Variants in PCDH7 observed in about 807,000 individuals in gnomAD.
The protein encoded by PCDH7 is protocadherin 7.
A neutral mutation model predicts 58.9 loss-of-function variants in PCDH7; 17 were observed. The ratio of observed to expected loss-of-function variants is 0.29; its 90% CI spans 0.20 to 0.43. The LOEUF is 0.43. PCDH7 is among the 20% of genes least tolerant of loss of function. The probability of loss-of-function intolerance (pLI) is 1.00; values close to 1 mark genes in which losing one functional copy is unlikely to be tolerated. For synonymous variants in PCDH7, 664 were observed against 616.4 expected (o/e 1.08, Z -1.14); for missense variants, 1,274 against 1,441.0 (o/e 0.88, Z 1.88).
At chr4:30,999,243 C>G (rs754237262) in intron 3 of PCDH7, among the ~76,000 whole-genome samples, 4 of 151,872 alleles carry the variant, frequency 2.6e-5, no homozygotes, top group Non-Finnish European at 5.9e-5. Context: ...TTTTTGTTTC[C>G]CCTCCTTATC....
chr4:31,127,919 A>T (rs1388060628), intron 3 of PCDH7, among the ~76,000 whole-genome samples: 2 of 151,972 alleles, frequency 1.3e-5, no homozygotes, highest in Admixed American at 6.6e-5. Context: ...TAAATTATAG[A>T]GGCTTTCAAG....
chr4:31,098,678 A>C (rs1436713686), intron 3 of PCDH7, among the ~76,000 whole-genome samples: 1 of 152,200 alleles, frequency 6.6e-6, no homozygotes, highest in Non-Finnish European at 1.5e-5. Context: ...CAAGAAAGTG[A>C]GCCTTGTTTC....
chr4:31,094,676 A>AT (rs142278718), intron 3 of PCDH7, among the ~76,000 whole-genome samples: 74,125 of 151,840 alleles, frequency 0.49, 22,183 homozygotes, highest in East Asian at 0.83. Context: ...ATTAGCAAAA[A>AT]CCTGCCCTTC....
At chr4:30,957,360 T>A (rs764566009) in intron 3 of PCDH7, among the ~76,000 whole-genome samples, 5 of 152,188 alleles carry the variant, frequency 3.3e-5, no homozygotes, top group African/African-American at 7.2e-5. Context: ...GTAGGACATA[T>A]TGCTCAGGAT....
intron 3 of PCDH7, among the ~76,000 whole-genome samples, chr4:31,055,266 T>C (rs891591662): frequency 2.6e-5 from 4 of 152,102 alleles, no homozygotes; most frequent in Non-Finnish European, 5.9e-5. Context: ...ATATTTTCAG[T>C]TTTTTAGAGC....
chr4:31,139,262 T>C (rs1719974050), intron 3 of PCDH7, among the ~76,000 whole-genome samples: 1 of 152,162 alleles, frequency 6.6e-6, no homozygotes, highest in South Asian at 2.1e-4. Flanking sequence ...GGCTTTATTG[T>C]GGAAAATGCT....
intron 3 of PCDH7, among the ~76,000 whole-genome samples, chr4:31,059,709 T>A (rs181561266): frequency 1.3e-5 from 2 of 152,002 alleles, no homozygotes; most frequent in African/African-American, 4.8e-5. Flanking sequence ...TATCTCTGAA[T>A]TCTATTCTGT....
chr4:30,943,201 A>G (rs181225058), intron 2 of PCDH7, among the ~76,000 whole-genome samples: 1 of 151,896 alleles, frequency 6.6e-6, no homozygotes, highest in African/African-American at 2.4e-5. Context: ...CTTGTTTATA[A>G]CTTCAGTTAT....
exon 2 of PCDH7, chr4:30,730,928 T>G (rs1329968729): frequency 7.5e-7 from 1 of 1,340,678 alleles, no homozygotes; most frequent in East Asian, 2.7e-5. Flanking sequence ...TATTTTTGAG[T>G]CTTTTTCTTT....
chr4:30,885,520 C>G (rs796152958), intron 1 of PCDH7, among the ~76,000 whole-genome samples: 50 of 151,946 alleles, frequency 3.3e-4, no homozygotes, highest in African/African-American at 1.1e-3. Flanking sequence ...ACGATACTGT[C>G]TCTCTGTGTG....
chr4:30,754,364 A>G lies in PCDH7; in HGVS notation c.70+29768A>G, dbSNP rs140720927. 4.6e-3 allele frequency among the ~76,000 whole-genome samples: 707 copies of G among 152,286 alleles called. 6 individuals carry two copies. Among genetic ancestry groups the G allele is most frequent in the African/African-American group, 0.016 (669 of 41,554 alleles). On this transcript the variant is annotated intron_variant, in intron 1 of 3. Coordinates refer to the PCDH7 transcript ENST00000509759. ...TTGTTATAATCAAGCAGCTCCAGGGACATGAGCAGAAGTGTATCACTTTAT... is the reference window on the plus strand; with the variant it reads ...TTGTTATAATCAAGCAGCTCCAGGGGCATGAGCAGAAGTGTATCACTTTAT...
intron 3 of PCDH7, among the ~76,000 whole-genome samples, chr4:31,136,093 A>C (rs1719563378): frequency 6.6e-6 from 1 of 152,258 alleles, no homozygotes; most frequent in Non-Finnish European, 1.5e-5. Flanking sequence ...TGACAAAGTT[A>C]GAATGTGAAT....
chr4:31,079,495 A>G (rs1203425907), intron 3 of PCDH7, among the ~76,000 whole-genome samples: 1 of 151,046 alleles, frequency 6.6e-6, no homozygotes, highest in Non-Finnish European at 1.5e-5. Context: ...TTTAAATACT[A>G]TTTGACAACC....
intron 3 of PCDH7, among the ~76,000 whole-genome samples, chr4:30,986,556 C>G (rs1750983673): frequency 6.6e-6 from 1 of 151,548 alleles, no homozygotes; most frequent in African/African-American, 2.4e-5. Flanking sequence ...CTCCTCCCAC[C>G]AAGAAAAGTC....
At position 30,722,009 on chromosome 4, in the gene PCDH7, G is replaced by C. The variant is rs762876408; in HGVS notation, c.587G>C (p.Arg196Pro). ...GGCGGCGGCAGCGGCGGCGAGAGCC[G>C]GCGCGCCGGGGCGGCCGACAGCGCC... The change falls in exon 1 of 2, where the codon CGG (arginine) becomes CCG (proline). Residue 196 changes from arginine to proline, a missense_variant. Arg to Pro is a moderately radical substitution (Grantham distance 103). This residue lies in a region of PCDH7 where 331 missense variants were observed against 303.2 expected (regional missense o/e 1.09). Transcript: ENST00000361762. This position sits in a 1 kb window ranked among gnomAD's most constrained non-coding sequence, Gnocchi z 7.6. 12 of 1,264,400 alleles carry C rather than the reference G, an allele frequency of 9.5e-6. No individual in the cohort carries two copies. In the African/African-American group the frequency reaches 1.4e-4, roughly 15 times the overall value. The allele number at this position is 1,264,400 out of a possible 1,614,324, so 78.3% of individuals were successfully genotyped here.
chr4:30,927,757 A>G (rs1403162290), intron 2 of PCDH7, among the ~76,000 whole-genome samples: 1 of 151,726 alleles, frequency 6.6e-6, no homozygotes, highest in Non-Finnish European at 1.5e-5. Context: ...AAAACCAGAG[A>G]CCTTTGTTCA....
At position 30,821,418 on chromosome 4, in the gene PCDH7, G is replaced by A. The variant is rs138608218; in HGVS notation, c.70+96822G>A. ...GATGTGGGAGGAAAGATGTGCAATT[G>A]CACAGTTGACTCATGGTGTTTGGTG... On this transcript the variant is annotated intron_variant, in intron 1 of 3. Coordinates refer to the PCDH7 transcript ENST00000509759. 1.3e-4 allele frequency among the ~76,000 whole-genome samples: 20 copies of A among 152,338 alleles called. No homozygotes were observed. The East Asian group carries it at 3.7e-3, about 28-fold the overall frequency.
rs1028214436 is a variant in PCDH7, at chr4:30,982,480, A to T, written c.*7+32265A>T. On this transcript the variant is annotated intron_variant, in intron 3 of 3. Coordinates refer to the PCDH7 transcript ENST00000509759. ...GAAAACCTTCACCACCTTCTCTCTCATAGGAGGTAGAATTGTGGTACCATC... is the reference window on the plus strand; with the variant it reads ...GAAAACCTTCACCACCTTCTCTCTCTTAGGAGGTAGAATTGTGGTACCATC... 2.5e-4 allele frequency among the ~76,000 whole-genome samples: 38 copies of T among 152,122 alleles called. 1 individual carries two copies. Among genetic ancestry groups the T allele is most frequent in the African/African-American group, 8.9e-4 (37 of 41,426 alleles).
chr4:31,137,815 T>C (rs992740973), intron 3 of PCDH7, among the ~76,000 whole-genome samples: 7 of 152,232 alleles, frequency 4.6e-5, no homozygotes, highest in African/African-American at 1.7e-4. Flanking sequence ...ATACATACAG[T>C]TTTACATATC....
Sources: allele counts gnomAD v4.1 joint callset (sites outside exome capture counted in the v4.1 genomes callset), GRCh38; gene constraint gnomAD v4.1.1; regional missense constraint gnomAD v4.1.1; non-coding constraint Gnocchi (gnomAD v3.1); transcripts MANE v1.5; gene names NCBI Gene and HGNC (gene_info 2026-07-23, HGNC 2026-07-21).